Variants in EPC1 observed in about 807,000 individuals in gnomAD.
EPC1 encodes the protein enhancer of polycomb homolog 1.
Under a neutral mutation model 98.4 loss-of-function variants are expected in EPC1, and 12 were observed. The ratio of observed to expected loss-of-function variants is 0.12; its 90% CI spans 0.08 to 0.20. The LOEUF is 0.20. Among genes scored for constraint, EPC1 ranks in the 10% least tolerant of loss-of-function variants. EPC1 has a pLI of 1.00. For synonymous variants in EPC1, 357 were observed against 363.9 expected, an observed-to-expected ratio of 0.98 and a Z score of 0.21; for missense variants, 729 against 990.5, an observed-to-expected ratio of 0.74 and a Z score of 3.54.
At chr10:32,348,665 C>CTT (rs1361051412), upstream of EPC1, among the ~76,000 whole-genome samples, 2 of 152,202 alleles carry the variant, frequency 1.3e-5, no homozygotes, top group Non-Finnish European at 2.9e-5. Context: ...GAGACCGTGC[C>CTT]TTTATTCATT....
chr10:32,311,848 A>G (rs547976392), intron 1 of EPC1, among the ~76,000 whole-genome samples: 87 of 152,328 alleles, frequency 5.7e-4, no homozygotes, highest in African/African-American at 2.0e-3. Flanking sequence ...CCTTATTGTG[A>G]TGTGAGAAAA....
rs192556391 is a variant in EPC1, at chr10:32,363,186, A to C, written c.3+15305T>G. On this transcript the variant is annotated intron_variant, in intron 1 of 13. Coordinates refer to the EPC1 transcript ENST00000375110. ...CCTCTGAGGCTCAGGCAATCATCCC[A>C]CCTCAGCCTCCTGAGCACCTGGGAC... Among the ~76,000 whole-genome samples, 423 of 152,098 alleles carry C rather than the reference A, an allele frequency of 2.8e-3. 4 individuals carry two copies. Among genetic ancestry groups the C allele is most frequent in the African/African-American group, 9.7e-3 (402 of 41,470 alleles).
rs746739114 is a variant in EPC1, at chr10:32,284,845, T to A, written c.1597A>T (p.Thr533Ser). The A allele has an allele frequency of 7.4e-6, 12 of 1,614,090 alleles. No individual in the cohort carries two copies. The highest frequency in any genetic ancestry group is 1.7e-5 in the Admixed American group (1 of 60,004). The change falls in exon 10 of 14, where the codon ACA (threonine) becomes TCA (serine). Residue 533 changes from threonine (T) to serine (S), a missense_variant. Thr to Ser is a moderately conservative substitution (Grantham distance 58). Transcript: ENST00000319778. ...TTGTCACTGTCATGTAGGGATGGTG[T>A]CCGAGGCCTAAAATGCCGCCATCTA... ...SCRWRHFRPR[T>S]PSLHDSDNDE... is the part of the protein sequence containing the mutation.
chr10:32,278,528 C>T (rs1358888952), intron 10 of EPC1, among the ~76,000 whole-genome samples: 3 of 145,586 alleles, frequency 2.1e-5, no homozygotes, highest in Non-Finnish European at 4.5e-5. Flanking sequence ...ACTACAGGCG[C>T]CCGCCACTAC....
intron 2 of EPC1, among the ~76,000 whole-genome samples, chr10:32,294,633 A>G (rs1835042042): frequency 6.6e-6 from 1 of 152,228 alleles, no homozygotes; most frequent in Non-Finnish European, 1.5e-5. Flanking sequence ...GCTGATGGAA[A>G]TGGGAGGATC....
chr10:32,277,585 G>T (rs1028440569), intron 10 of EPC1, among the ~76,000 whole-genome samples: 1 of 151,810 alleles, frequency 6.6e-6, no homozygotes, highest in African/African-American at 2.4e-5. Context: ...TTTGAGACAG[G>T]GTCTCACTCT....
chr10:32,306,829 A>G (rs944234417), intron 1 of EPC1, among the ~76,000 whole-genome samples: 5 of 149,966 alleles, frequency 3.3e-5, no homozygotes, highest in African/African-American at 7.3e-5. Flanking sequence ...ATCAACACTG[A>G]ATTTTGGTAT....
intron 1 of EPC1, among the ~76,000 whole-genome samples, chr10:32,378,205 A>G (rs1371947930): frequency 6.6e-6 from 1 of 152,210 alleles, no homozygotes; most frequent in African/African-American, 2.4e-5. Flanking sequence ...CATTGCCAAC[A>G]TTACTGGCAC....
Position 32,273,257 on chromosome 10 carries a change from T to C in EPC1, c.1769A>G (p.Gln590Arg), listed in dbSNP as rs1287263592. ...HFAFTAEQYQ[Q>R]HQQQLALMQK... ...CATGAGTGCCAGTTGCTGTTGATGT[T>C]GCTGGTATTGTTCGGCTGTAAATGC... is the stretch of plus-strand genomic sequence containing the variant. The change falls in exon 11 of 14, where the codon CAA becomes CGA. Residue 590 changes from glutamine (Q) to arginine (R), a missense_variant. Physicochemically the swap from Gln to Arg is conservative, Grantham distance 43. Transcript: ENST00000319778. 6.2e-7 allele frequency: 1 copy of C among 1,614,104 alleles called. No individual in the cohort carries two copies. The highest frequency in any genetic ancestry group is 1.7e-5 in the Admixed American group (1 of 60,024).
At chr10:32,350,844 C>T (rs542991663), upstream of EPC1, among the ~76,000 whole-genome samples, 3 of 152,246 alleles carry the variant, frequency 2.0e-5, no homozygotes, top group South Asian at 2.1e-4. Flanking sequence ...AGTTTATGTT[C>T]GGTATGTATC....
chr10:32,309,597 TG>T (rs1289233932), intron 1 of EPC1, among the ~76,000 whole-genome samples: 3 of 151,486 alleles, frequency 2.0e-5, no homozygotes, highest in Non-Finnish European at 4.4e-5. Flanking sequence ...GGCTCACGCC[TG>T]TAATCCCAGC....
At chr10:32,338,891 T>C (rs1047587170) in intron 1 of EPC1, among the ~76,000 whole-genome samples, 2 of 148,372 alleles carry the variant, frequency 1.3e-5, no homozygotes, top group Admixed American at 1.3e-4. Context: ...TGAGCCGAGA[T>C]CACACCACTA....
At chr10:32,269,652 T>A (rs2986933) in intron 13 of EPC1, among the ~76,000 whole-genome samples, 133,004 of 152,248 alleles carry the variant, frequency 0.87, 58,120 homozygotes, top group East Asian at 0.96. Context: ...CAAAAGGACA[T>A]GTGATATGAA....
chr10:32,347,396 G>C (rs1488229661), upstream of EPC1: 1 of 171,770 alleles, frequency 5.8e-6, no homozygotes, highest in Non-Finnish European at 1.2e-5. Context: ...CCGGCTCTTG[G>C]GTCGTGCTCT....
In EPC1 at chr10:32,271,905, C is replaced by A; in HGVS notation, c.2018G>T (p.Gly673Val). 1 of 1,613,258 alleles carries A rather than the reference C, an allele frequency of 6.2e-7. No homozygotes were observed. Among genetic ancestry groups the A allele is most frequent in the Non-Finnish European group, 8.5e-7 (1 of 1,179,530 alleles). Residue 673 changes from glycine to valine, a missense_variant, in exon 13 of 14, where the codon GGC (glycine) becomes GTC (valine). Coordinates refer to ENST00000319778, the MANE Select transcript of EPC1 (RefSeq NM_001272004.3). ...GVLPASGVYKGLHLSSTTPTA... is the reference protein window; with the variant it reads ...GVLPASGVYKVLHLSSTTPTA... Reference sequence around the variant, plus strand: ...TGGTGTAGTACTACTGAGGTGTAAGCCCTTGTATACTCCTAGAGAGAAAAA... The same window carrying A: ...TGGTGTAGTACTACTGAGGTGTAAGACCTTGTATACTCCTAGAGAGAAAAA...
In EPC1 at chr10:32,290,167, T is replaced by C. The variant is rs959707073; in HGVS notation, c.975+996A>G. ...TATCAAAATTCCCTCTTATACACTATTGTGTCCACAAAAGACAGAAAAACT... is the reference window on the plus strand; with the variant it reads ...TATCAAAATTCCCTCTTATACACTACTGTGTCCACAAAAGACAGAAAAACT... On this transcript the variant is annotated intron_variant, in intron 6 of 13. Coordinates refer to ENST00000319778, the MANE Select transcript of EPC1 (RefSeq NM_001272004.3). 4.6e-5 allele frequency among the ~76,000 whole-genome samples: 7 copies of C among 152,064 alleles called. 1 individual carries two copies. The highest frequency in any genetic ancestry group is 3.9e-4 in the Admixed American group (6 of 15,256).
rs191136089 is a variant in EPC1 at position 32,378,534 on chromosome 10, G to A, written c.-41C>T. Reference sequence around the variant, plus strand: ...AGACGGCAGTTCTTGAAAAAAAATTGTAACAATATAGGCTGGATACTTGTG... The same window carrying A: ...AGACGGCAGTTCTTGAAAAAAAATTATAACAATATAGGCTGGATACTTGTG... On this transcript the variant is annotated 5_prime_UTR_variant, in exon 1 of 14. Coordinates refer to the EPC1 transcript ENST00000375110. 223 of 1,517,350 alleles carry A rather than the reference G, an allele frequency of 1.5e-4. No individual in the cohort carries two copies. The African/African-American group carries it at 2.7e-3, about 18-fold the overall frequency. 94.0% of individuals were successfully genotyped at this position (1,517,350 alleles called of 1,614,324 possible).
At chr10:32,346,675 T>G in intron 1 of EPC1, 88 bp downstream of exon 1, 40 of 1,270,588 alleles carry the variant, frequency 3.1e-5, no homozygotes, top group Non-Finnish European at 4.0e-5. Context: ...ATGGCGGCCA[T>G]TTTGTGTGGG....
At chr10:32,327,641 T>C (rs1437190484) in intron 1 of EPC1, among the ~76,000 whole-genome samples, 3 of 152,204 alleles carry the variant, frequency 2.0e-5, no homozygotes, top group Non-Finnish European at 4.4e-5. Context: ...GCAAACACTA[T>C]AGATTTTACT....
Sources: gnomAD v4.1 joint callset for allele counts (sites outside exome capture counted in the v4.1 genomes callset) on GRCh38, gnomAD v4.1.1 for gene constraint, MANE v1.5 for transcripts, NCBI Gene and HGNC (gene_info 2026-07-23, HGNC 2026-07-21) for gene names.